CRYL1: variants seen among roughly 807,000 people sequenced by gnomAD.
CRYL1 encodes the protein crystallin lambda 1.
In CRYL1, 29 loss-of-function variants were observed where a neutral mutation model predicts 36.6. The observed-to-expected ratio is 0.79, with a 90% CI of 0.59 to 1.08. The LOEUF (loss-of-function observed/expected upper bound fraction) is 1.08. CRYL1 is among the 50% of genes least tolerant of loss of function. The probability of loss-of-function intolerance (pLI) is 0.00; values close to 1 mark genes in which losing one functional copy is unlikely to be tolerated. For synonymous variants in CRYL1, 152 were observed against 151.5 expected, an observed-to-expected ratio of 1.00 and a Z score of -0.02; for missense variants, 411 against 407.9, an observed-to-expected ratio of 1.01 and a Z score of -0.06.
Position 20,462,393 on chromosome 13 carries a change from C to T in CRYL1, c.277-22639G>A, listed in dbSNP as rs779443976. Among the ~76,000 whole-genome samples the T allele has an allele frequency of 5.3e-5, 8 of 150,902 alleles. No individual in the cohort carries two copies. The East Asian group carries it at 1.2e-3, about 22-fold the overall frequency. On this transcript the variant is annotated intron_variant, in intron 3 of 7. Transcript: ENST00000298248. ...CAAAATAAACTATGACAGGTTTGAG[C>T]GTTACCCTAAAGGAAGCTCTGGAAT...
chr13:20,524,582 G>A (rs1659401686), intron 1 of CRYL1, among the ~76,000 whole-genome samples: 1 of 152,098 alleles, frequency 6.6e-6, no homozygotes, highest in Non-Finnish European at 1.5e-5. Flanking sequence ...TCTCCATATT[G>A]GTCAGGCTGG....
In CRYL1 at chr13:20,439,741, T is replaced by C. The variant is rs2032314592; in HGVS notation, c.290A>G (p.Glu97Gly). Reference sequence around the variant, plus strand: ...AATCTTCTTCTTCAGTTCTAGATCTTCTGGAACACATTCCTGAAAAGGACA... The same window carrying C: ...AATCTTCTTCTTCAGTTCTAGATCTCCTGGAACACATTCCTGAAAAGGACA... The part of the protein sequence containing the change: ...GAMHIQECVP[E>G]DLELKKKIFA... The change falls in exon 4 of 8, where the codon GAA becomes GGA. Residue 97 changes from glutamate to glycine, a missense_variant. Coordinates refer to ENST00000298248, the MANE Select transcript of CRYL1 (RefSeq NM_015974.3). 1 of 1,613,956 alleles carries C rather than the reference T, an allele frequency of 6.2e-7. No homozygotes were observed. Among genetic ancestry groups the C allele is most frequent in the African/African-American group, 1.3e-5 (1 of 74,918 alleles).
chr13:20,403,981 C>T lies in CRYL1; in HGVS notation c.*148G>A. The T allele has an allele frequency of 3.3e-6, 2 of 613,950 alleles. No individual in the cohort carries two copies. Among genetic ancestry groups the T allele is most frequent in the East Asian group, 2.8e-5 (1 of 35,692 alleles). 38.0% of individuals were successfully genotyped at this position (613,950 alleles called of 1,614,324 possible). ...CCAAAGTGACGGGCAGACTACCGGC[C>T]TGCACCACCCCACTCAGGCTGCACA... On this transcript the variant is annotated 3_prime_UTR_variant, in exon 8 of 8. Coordinates refer to ENST00000298248, the MANE Select transcript of CRYL1 (RefSeq NM_015974.3).
intron 3 of CRYL1, among the ~76,000 whole-genome samples, chr13:20,480,162 G>A (rs147320697): frequency 0.02 from 2,999 of 152,246 alleles, 110 homozygotes; most frequent in African/African-American, 0.066. Context: ...CAAGGCAGGC[G>A]GACCTGAGGT....
intron 3 of CRYL1, 85 bp from the exon 4 acceptor site, chr13:20,439,839 A>T: frequency 7.6e-7 from 1 of 1,315,736 alleles, no homozygotes; most frequent in Non-Finnish European, 1.1e-6. Flanking sequence ...TCATTCCTCA[A>T]ATGAACCACT....
intron 2 of CRYL1, among the ~76,000 whole-genome samples, chr13:20,508,275 G>C (rs2033840100): frequency 6.6e-6 from 1 of 152,152 alleles, no homozygotes; most frequent in African/African-American, 2.4e-5. Context: ...GAAAAGCCAG[G>C]ATAGCCCTCA....
At chr13:20,412,254 G>A (rs1053635178) in intron 6 of CRYL1, among the ~76,000 whole-genome samples, 4 of 151,708 alleles carry the variant, frequency 2.6e-5, no homozygotes, top group Non-Finnish European at 4.4e-5. Flanking sequence ...CTCCACTTCC[G>A]CCCCCACAAA....
At chr13:20,489,149 T>C (rs1029860621) in intron 3 of CRYL1, among the ~76,000 whole-genome samples, 49 of 152,336 alleles carry the variant, frequency 3.2e-4, no homozygotes, top group African/African-American at 1.2e-3. Flanking sequence ...GGATAAGGCA[T>C]TGGTCTCTTG....
intron 3 of CRYL1, among the ~76,000 whole-genome samples, chr13:20,466,111 C>A (rs1477094094): frequency 6.6e-6 from 1 of 152,140 alleles, no homozygotes; most frequent in Non-Finnish European, 1.5e-5. Flanking sequence ...CCTGCAGAAC[C>A]AAGAGCCAAA....
chr13:20,449,672 ATTC>A (rs2032527354), intron 3 of CRYL1, among the ~76,000 whole-genome samples: 1 of 152,184 alleles, frequency 6.6e-6, no homozygotes, highest in Admixed American at 6.5e-5. Context: ...CACTGATGAT[ATTC>A]TTCTATACCT....
In CRYL1 at chr13:20,451,181, C is replaced by T. The variant is rs562214918; in HGVS notation, c.277-11427G>A. Among the ~76,000 whole-genome samples, 6 of 152,052 alleles carry T rather than the reference C, an allele frequency of 3.9e-5. No homozygotes were observed. In the East Asian group the frequency reaches 9.7e-4, roughly 25 times the overall value. On this transcript the variant is annotated intron_variant, in intron 3 of 7. Transcript: ENST00000298248. The stretch of plus-strand genomic sequence containing the variant: ...ATATGTAACAAACCTGCACGTTGTG[C>T]ACATGTATCCTAGAACTTAAAGTAT...
At chr13:20,510,493 G>A (rs2033893537) in intron 2 of CRYL1, among the ~76,000 whole-genome samples, 1 of 152,166 alleles carries the variant, frequency 6.6e-6, no homozygotes, top group African/African-American at 2.4e-5. Context: ...TTGGGGGGAA[G>A]GGAGGGATGG....
chr13:20,525,647 G>T lies in CRYL1; in HGVS notation c.41+107C>A. On this transcript the variant is annotated intron_variant, in intron 1 of 7. Transcript: ENST00000298248. This position sits in a 1 kb window ranked among gnomAD's most constrained non-coding sequence, Gnocchi z 4.3. ...GGGCTTCGGAGGACCGGAGGCCGGG[G>T]CGGGGACAGCGACCCGGCGCCCACC... 1 of 918,626 alleles carries T rather than the reference G, an allele frequency of 1.1e-6. No individual in the cohort carries two copies. The highest frequency in any genetic ancestry group is 1.4e-6 in the Non-Finnish European group (1 of 697,174). 56.9% of individuals were successfully genotyped at this position (918,626 alleles called of 1,614,324 possible). A position where few individuals can be genotyped will look rare whatever the true frequency, so the allele number is the denominator to read the frequency against.
intron 2 of CRYL1, among the ~76,000 whole-genome samples, chr13:20,501,408 T>C (rs1318501458): frequency 1.3e-5 from 2 of 152,218 alleles, no homozygotes; most frequent in African/African-American, 4.8e-5. Flanking sequence ...CACACTGTGC[T>C]GCCTGCTTTC....
intron 4 of CRYL1, among the ~76,000 whole-genome samples, chr13:20,434,700 ATAAACCT>A (rs1421987116): frequency 2.7e-5 from 4 of 150,914 alleles, no homozygotes; most frequent in Non-Finnish European, 5.9e-5. Flanking sequence ...GCTCTTCACA[ATAAACCT>A]TGCTACCACT....
At chr13:20,420,713 G>GTGTGTGTGTGTGTGTGTGTGTGTTTT (rs2031787171) in intron 5 of CRYL1, among the ~76,000 whole-genome samples, 1 of 29,438 alleles carries the variant, frequency 3.4e-5, no homozygotes, top group African/African-American at 7.5e-5. Context: ...GTGTGTGTGT[G>GTGTGTGTGTGTGTGTGTGTGTGTTTT]TGTGTGTGTG....
Position 20,406,040 on chromosome 13 carries a change from T to C in CRYL1, c.740-1299A>G, listed in dbSNP as rs1304349398. ...GAGGCGTTTCTAGTCCTGGGCGCCA[T>C]GGAGGACATAGGCTGGGCTACTGCT... On this transcript the variant is annotated intron_variant, in intron 6 of 7. Transcript: ENST00000298248. 3.9e-5 allele frequency: 6 copies of C among 152,338 alleles called. 1 individual carries two copies. The highest frequency in any genetic ancestry group is 2.0e-4 in the Admixed American group (3 of 15,272). The allele number at this position is 152,338 out of a possible 1,614,324, so 9.4% of individuals were successfully genotyped here.
intron 5 of CRYL1, among the ~76,000 whole-genome samples, 190 bp from the exon 6 acceptor site, chr13:20,413,577 G>C (rs925095620): frequency 6.6e-6 from 1 of 152,160 alleles, no homozygotes; most frequent in African/African-American, 2.4e-5. Flanking sequence ...TTAGATTTTG[G>C]AATATTAGCA....
Position 20,415,141 on chromosome 13 carries a change from G to C in CRYL1, c.634-1754C>G, listed in dbSNP as rs73441773. Among the ~76,000 whole-genome samples, 11,039 of 152,090 alleles carry C rather than the reference G, an allele frequency of 0.073. 1,075 individuals carry two copies. Among genetic ancestry groups the C allele is most frequent in the African/African-American group, 0.21 (8,742 of 41,484 alleles). ...CTCCCCTCGCCCGCACCCGGCCCCA[G>C]TCCCTCCCAGGCTTGCGGGTAGAGC... On this transcript the variant is annotated intron_variant, in intron 5 of 7. Coordinates refer to ENST00000298248, the MANE Select transcript of CRYL1 (RefSeq NM_015974.3). The surrounding 1 kb of genome is among the most constrained non-coding windows in gnomAD (Gnocchi z 4.1).
Sources: allele counts gnomAD v4.1 joint callset (sites outside exome capture counted in the v4.1 genomes callset), GRCh38; gene constraint gnomAD v4.1.1; non-coding constraint Gnocchi (gnomAD v3.1); transcripts MANE v1.5; gene names NCBI Gene and HGNC (gene_info 2026-07-23, HGNC 2026-07-21).